Variants in PCED1B observed in about 807,000 individuals in gnomAD.
PCED1B encodes PC-esterase domain containing 1B, also known as PC-esterase domain-containing protein 1B.
For synonymous variants in PCED1B, 251 were observed against 246.1 expected (o/e 1.02, Z -0.19); for missense variants, 573 against 573.9 (o/e 1.00, Z 0.02).
chr12:47,127,497 T>C (rs1394184916), intron 2 of PCED1B, among the ~76,000 whole-genome samples: 1 of 151,064 alleles, frequency 6.6e-6, no homozygotes, highest in East Asian at 1.9e-4. Context: ...CCCTCCCGAG[T>C]AGCTGGGACT....
intron 1 of PCED1B, among the ~76,000 whole-genome samples, chr12:47,080,174 C>T (rs965605760): frequency 6.6e-6 from 1 of 152,116 alleles, no homozygotes; most frequent in Non-Finnish European, 1.5e-5. Flanking sequence ...GACTCTGGTC[C>T]TTGAGTCAAG....
At chr12:47,158,512 T>C (rs941153447) in intron 2 of PCED1B, among the ~76,000 whole-genome samples, 12 of 152,188 alleles carry the variant, frequency 7.9e-5, no homozygotes, top group African/African-American at 2.9e-4. Context: ...TGCTTTTTTG[T>C]TGTTCAGTTT....
At position 47,113,215 on chromosome 12, in the gene PCED1B, A is replaced by G. The variant is rs1357778944; in HGVS notation, c.-526+9020A>G. The stretch of plus-strand genomic sequence containing the variant: ...TATACTCAATTACATAATACTGTAC[A>G]AGTGAGGACATAATATATGGTATCA... On this transcript the variant is annotated intron_variant, in intron 2 of 3. Coordinates refer to ENST00000546455, the MANE Select transcript of PCED1B (RefSeq NM_138371.3). Among the ~76,000 whole-genome samples, 3 of 152,208 alleles carry G rather than the reference A, an allele frequency of 2.0e-5. No homozygotes were observed. The East Asian group carries it at 5.8e-4, about 29-fold the overall frequency.
intron 2 of PCED1B, among the ~76,000 whole-genome samples, chr12:47,215,505 C>T (rs965188461): frequency 3.3e-5 from 5 of 151,988 alleles, no homozygotes; most frequent in South Asian, 2.1e-4. Context: ...CCACCCGCCT[C>T]GGCCTCCCAA....
At chr12:47,198,966 C>CAA (rs374155461) in intron 2 of PCED1B, among the ~76,000 whole-genome samples, 30,020 of 130,908 alleles carry the variant, frequency 0.23, 3,889 homozygotes, top group Non-Finnish European at 0.32. Flanking sequence ...AACTCCATCT[C>CAA]AAAAAAAAAA....
chr12:47,221,475 C>G (rs888211007), intron 3 of PCED1B, among the ~76,000 whole-genome samples: 1 of 151,738 alleles, frequency 6.6e-6, no homozygotes, highest in Non-Finnish European at 1.5e-5. Context: ...CACCACGCCC[C>G]GCCAACATGA....
rs377273800 is a variant in PCED1B at position 47,100,169 on chromosome 12, G to GT, written c.-608-3940dup. 3.6e-3 allele frequency among the ~76,000 whole-genome samples: 554 copies of GT among 152,228 alleles called. 9 individuals are homozygous for GT. Among genetic ancestry groups the GT allele is most frequent in the African/African-American group, 0.013 (541 of 41,538 alleles). ...CAGTTTCTGACAGACTGTGATTACC[G>GT]TTTTATTTCCTTTTTCTATATCATT... On this transcript the variant is annotated intron_variant, in intron 1 of 3. Coordinates refer to ENST00000546455, the MANE Select transcript of PCED1B (RefSeq NM_138371.3).
At chr12:47,102,480 T>G (rs1938751762) in intron 1 of PCED1B, among the ~76,000 whole-genome samples, 1 of 152,236 alleles carries the variant, frequency 6.6e-6, no homozygotes, top group Non-Finnish European at 1.5e-5. Context: ...GATGTCAGTC[T>G]GCAAAGGGTC....
intron 2 of PCED1B, among the ~76,000 whole-genome samples, chr12:47,158,909 T>G (rs1400716430): frequency 6.6e-6 from 1 of 152,166 alleles, no homozygotes; most frequent in Non-Finnish European, 1.5e-5. Flanking sequence ...CTTTATCTCC[T>G]GCCCCCACCC....
At chr12:47,191,509 T>G (rs929844319) in intron 2 of PCED1B, among the ~76,000 whole-genome samples, 3 of 152,170 alleles carry the variant, frequency 2.0e-5, no homozygotes, top group Non-Finnish European at 4.4e-5. Context: ...CACAACCCAA[T>G]GCATTCACTT....
chr12:47,217,982 A>T (rs2137814811), intron 3 of PCED1B, among the ~76,000 whole-genome samples: 2 of 152,372 alleles, frequency 1.3e-5, no homozygotes, highest in East Asian at 3.9e-4. Context: ...CTAAATAATA[A>T]GTTAAATGCT....
intron 3 of PCED1B, among the ~76,000 whole-genome samples, chr12:47,220,432 A>C (rs1357787419): frequency 6.6e-6 from 1 of 152,224 alleles, no homozygotes; most frequent in Non-Finnish European, 1.5e-5. Context: ...TCGGCCTCCC[A>C]AAGTGCTGGG....
intron 2 of PCED1B, among the ~76,000 whole-genome samples, chr12:47,131,833 T>C (rs990984905): frequency 1.3e-5 from 2 of 152,026 alleles, no homozygotes; most frequent in African/African-American, 2.4e-5. Flanking sequence ...CACATCCGGC[T>C]AATTTTTGTA....
chr12:47,144,970 T>C (rs912142960), intron 2 of PCED1B, among the ~76,000 whole-genome samples: 2 of 152,250 alleles, frequency 1.3e-5, no homozygotes, highest in Non-Finnish European at 2.9e-5. Context: ...TTAAGCTTAC[T>C]GAGGAACCCA....
At chr12:47,225,124 G>C (rs1943597008) in intron 3 of PCED1B, among the ~76,000 whole-genome samples, 1 of 152,072 alleles carries the variant, frequency 6.6e-6, no homozygotes, top group Non-Finnish European at 1.5e-5. Context: ...TACAGACGGG[G>C]TTTTGCCATG....
chr12:47,135,316 T>A (rs2137377592), intron 2 of PCED1B, among the ~76,000 whole-genome samples: 1 of 152,276 alleles, frequency 6.6e-6, no homozygotes, highest in Middle Eastern at 3.4e-3. Flanking sequence ...TTATTTTTAT[T>A]TTTTTGCACC....
intron 3 of PCED1B, among the ~76,000 whole-genome samples, chr12:47,217,867 G>C (rs114824527): frequency 7.9e-5 from 12 of 152,230 alleles, no homozygotes; most frequent in Non-Finnish European, 1.5e-4. Flanking sequence ...ATGAGCTACC[G>C]CGCCCTTCTT....
At position 47,107,477 on chromosome 12, in the gene PCED1B, A is replaced by G. The variant is rs543513510; in HGVS notation, c.-526+3282A>G. Among the ~76,000 whole-genome samples, 67 of 152,364 alleles carry G rather than the reference A, an allele frequency of 4.4e-4. No individual in the cohort carries two copies. In the South Asian group the frequency reaches 5.2e-3, roughly 12 times the overall value. On this transcript the variant is annotated intron_variant, in intron 2 of 3. Coordinates refer to ENST00000546455, the MANE Select transcript of PCED1B (RefSeq NM_138371.3). Reference sequence around the variant, plus strand: ...TTTAAGAGAGTAAAGTGGGGTGAACATGTTGAGATTGTGACCATTTTCCCA... The same window carrying G: ...TTTAAGAGAGTAAAGTGGGGTGAACGTGTTGAGATTGTGACCATTTTCCCA...
chr12:47,089,457 A>ATACATGTATATATAT (rs1555187966), intron 1 of PCED1B, among the ~76,000 whole-genome samples: 1 of 29,436 alleles, frequency 3.4e-5, no homozygotes, highest in Non-Finnish European at 7.0e-5. Flanking sequence ...AAAAAAAAAA[A>ATACATGTATATATAT]ATACATATAT....
Sources: allele counts gnomAD v4.1 joint callset (sites outside exome capture counted in the v4.1 genomes callset), GRCh38; gene constraint gnomAD v4.1.1; transcripts MANE v1.5; gene names NCBI Gene and HGNC (gene_info 2026-07-23, HGNC 2026-07-21).